The following ANAPC4 variants were observed in gnomAD, a reference collection of about 807,000 sequenced individuals.
ANAPC4 encodes the protein anaphase-promoting complex subunit 4.
Under a neutral mutation model 119.8 loss-of-function variants are expected in ANAPC4, and 63 were observed. That is an observed-to-expected ratio of 0.53 (90% CI 0.43 to 0.65). ANAPC4 has a LOEUF of 0.65. ANAPC4 is among the 30% of genes least tolerant of loss of function. The pLI is 0.00. For missense variants in ANAPC4, 716 were observed against 945.1 expected (o/e 0.76, Z 3.18); for synonymous variants, 283 against 318.6 (o/e 0.89, Z 1.19).
At chr4:25,415,317 G>T (rs41267451) in intron 25 of ANAPC4, 149 bp from the exon 26 acceptor site, 356 of 511,406 alleles carry the variant, frequency 7.0e-4, no homozygotes, top group Admixed American at 1.6e-3. Flanking sequence ...AACCAAATTG[G>T]TTTATCTATC....
intron 10 of ANAPC4, 68 bp downstream of exon 10, chr4:25,392,489 C>A: frequency 1.4e-6 from 2 of 1,386,356 alleles, no homozygotes; most frequent in Non-Finnish European, 1.0e-6. Context: ...AAATAAAAAG[C>A]TTCAAAATTT....
Position 25,414,581 on chromosome 4 carries a change from G to T in ANAPC4, c.1725-18G>T. ...TCCATCAATAGTTAAAAAATATTAT[G>T]ACAATTTTTTTTCTTAGGTGGAATA... is the stretch of plus-strand genomic sequence containing the variant. On this transcript the variant is annotated intron_variant, in intron 24 of 28. Coordinates refer to ENST00000315368, the MANE Select transcript of ANAPC4 (RefSeq NM_013367.3). 6.5e-7 allele frequency: 1 copy of T among 1,550,020 alleles called. No homozygotes were observed. The highest frequency in any genetic ancestry group is 1.2e-5 in the South Asian group (1 of 83,588).
chr4:25,395,656 G>A (rs1022185141), intron 14 of ANAPC4, among the ~76,000 whole-genome samples: 2 of 152,066 alleles, frequency 1.3e-5, no homozygotes, highest in African/African-American at 4.8e-5. Context: ...CACCGTGTTG[G>A]CCAGACTGGC....
At chr4:25,414,294 A>AATTATATTTTAAAATCTTATTTT (rs1324643966) in intron 22 of ANAPC4, 30 bp from the exon 23 acceptor site, 1 of 1,408,990 alleles carries the variant, frequency 7.1e-7, no homozygotes, top group Non-Finnish European at 9.8e-7. Flanking sequence ...TTAACGCTCT[A>AATTATATTTTAAAATCTTATTTT]ATTATATTTT....
chr4:25,414,804 C>T, intron 25 of ANAPC4, 104 bp downstream of exon 25: 1 of 1,060,412 alleles, frequency 9.4e-7, no homozygotes, highest in South Asian at 2.6e-5. Flanking sequence ...TACTTTGTGA[C>T]TTTTAGATGT....
intron 20 of ANAPC4, among the ~76,000 whole-genome samples, 182 bp downstream of exon 20, chr4:25,407,435 G>A (rs556802360): frequency 6.6e-6 from 1 of 151,988 alleles, no homozygotes; most frequent in East Asian, 1.9e-4. Flanking sequence ...AAATTATTGA[G>A]GACTAAAAAT....
chr4:25,403,330 A>G (rs904028076), intron 17 of ANAPC4, among the ~76,000 whole-genome samples: 1 of 152,168 alleles, frequency 6.6e-6, no homozygotes, highest in Admixed American at 6.5e-5. Context: ...AGATCAAATC[A>G]GTATAATTGG....
chr4:25,390,614 T>G (rs1722295012), intron 8 of ANAPC4, among the ~76,000 whole-genome samples: 1 of 152,222 alleles, frequency 6.6e-6, no homozygotes, highest in Non-Finnish European at 1.5e-5. Flanking sequence ...AGCTTTTTCA[T>G]CAGACTCTTA....
At chr4:25,389,421 C>T (rs1043654632) in intron 7 of ANAPC4, among the ~76,000 whole-genome samples, 14 of 151,516 alleles carry the variant, frequency 9.2e-5, no homozygotes, top group African/African-American at 7.3e-5. Flanking sequence ...CCTCCAAAAG[C>T]GCTGGGATTA....
rs535158997 is a variant in ANAPC4, at chr4:25,377,338, C to T, written c.-17C>T. The T allele has an allele frequency of 1.9e-6, 3 of 1,548,108 alleles. No individual in the cohort carries two copies. Among genetic ancestry groups the T allele is most frequent in the Non-Finnish European group, 2.6e-6 (3 of 1,145,104 alleles). On this transcript the variant is annotated 5_prime_UTR_variant, in exon 1 of 29. Coordinates refer to ENST00000315368, the MANE Select transcript of ANAPC4 (RefSeq NM_013367.3). ...CCGTGTTAGTCTGCCGGTGGGGACT[C>T]TTGCAGGTACAGGCGCGGTCGGGGC...
chr4:25,390,071 G>A (rs1330373680), intron 7 of ANAPC4, 65 bp from the exon 8 acceptor site: 15 of 1,126,522 alleles, frequency 1.3e-5, no homozygotes, highest in East Asian at 2.4e-5. Context: ...TTTATATCTC[G>A]CTTTAACAAT....
chr4:25,413,561 G>A (rs1007943593), intron 21 of ANAPC4, 84 bp from the exon 22 acceptor site: 10 of 995,058 alleles, frequency 1.0e-5, no homozygotes, highest in African/African-American at 1.6e-5. Flanking sequence ...TGTGCAGACT[G>A]GCTCTAACAG....
chr4:25,410,358 G>A (rs1037256672), intron 21 of ANAPC4, among the ~76,000 whole-genome samples: 1 of 152,186 alleles, frequency 6.6e-6, no homozygotes, highest in African/African-American at 2.4e-5. Flanking sequence ...TTTCTTTGAT[G>A]TCTGAAAGAA....
chr4:25,399,883 G>A (rs907364397), intron 16 of ANAPC4, among the ~76,000 whole-genome samples: 2 of 152,190 alleles, frequency 1.3e-5, no homozygotes, highest in Non-Finnish European at 2.9e-5. Flanking sequence ...CAAAGGAAAT[G>A]GGAGAGACAG....
intron 21 of ANAPC4, among the ~76,000 whole-genome samples, chr4:25,410,315 AC>A (rs1723492802): frequency 6.6e-6 from 1 of 152,216 alleles, no homozygotes; most frequent in African/African-American, 2.4e-5. Flanking sequence ...AGCACATCTT[AC>A]CATTTTAGAT....
chr4:25,388,800 A>G (rs752894560), intron 6 of ANAPC4, 38 bp from the exon 7 acceptor site: 2 of 1,600,622 alleles, frequency 1.2e-6, no homozygotes, highest in South Asian at 2.3e-5. Flanking sequence ...TTTGGAAGAC[A>G]GAATTGAAAG....
intron 20 of ANAPC4, among the ~76,000 whole-genome samples, chr4:25,407,956 T>C (rs908112666): frequency 6.6e-6 from 1 of 152,140 alleles, no homozygotes; most frequent in Non-Finnish European, 1.5e-5. Flanking sequence ...AATATAAATA[T>C]TTTTAGTGAA....
At chr4:25,380,321 T>A in intron 2 of ANAPC4, 53 bp from the exon 3 acceptor site, 1 of 1,452,042 alleles carries the variant, frequency 6.9e-7, no homozygotes. Context: ...AGGTTTATTT[T>A]ATTTTTGGAA....
intron 18 of ANAPC4, among the ~76,000 whole-genome samples, chr4:25,406,168 G>A (rs1723236282): frequency 6.6e-6 from 1 of 152,098 alleles, no homozygotes; most frequent in Non-Finnish European, 1.5e-5. Flanking sequence ...CTGAAAAAAT[G>A]GACAGCATTA....
Sources: allele counts gnomAD v4.1 joint callset (sites outside exome capture counted in the v4.1 genomes callset), GRCh38; gene constraint gnomAD v4.1.1; transcripts MANE v1.5; gene names NCBI Gene and HGNC (gene_info 2026-07-23, HGNC 2026-07-21).